Variants in ARHGAP22 observed in about 807,000 individuals in gnomAD.
ARHGAP22 encodes the protein rho GTPase-activating protein 22.
ARHGAP22 carries 48 observed loss-of-function variants against 59.1 expected under a neutral mutation model. The observed-to-expected ratio is 0.81, with a 90% CI of 0.64 to 1.03. ARHGAP22 has a LOEUF of 1.03. Ranked by LOEUF, ARHGAP22 falls within the 50% of genes least tolerant of loss-of-function variation. ARHGAP22 has a pLI of 0.00. For missense variants in ARHGAP22, 1,015 were observed against 958.7 expected, an observed-to-expected ratio of 1.06 and a Z score of -0.78; for synonymous variants, 445 against 416.4, an observed-to-expected ratio of 1.07 and a Z score of -0.84.
rs145830972 is a variant in ARHGAP22, at chr10:48,621,029, A to G, written c.52+31205T>C. On this transcript the variant is annotated intron_variant, in intron 1 of 9. Transcript: ENST00000435790. ...AAGAGCAGGATGTGCAGAGCACTCT[A>G]GCAAGCTTGGTGTGTTACTCGCAAC... Among the ~76,000 whole-genome samples the G allele has an allele frequency of 2.0e-3, 304 of 152,392 alleles. 1 individual carries two copies. Among genetic ancestry groups the G allele is most frequent in the Non-Finnish European group, 3.4e-3 (229 of 68,044 alleles).
intron 3 of ARHGAP22, among the ~76,000 whole-genome samples, chr10:48,525,022 G>C (rs541419456): frequency 6.6e-6 from 1 of 152,172 alleles, no homozygotes; most frequent in Non-Finnish European, 1.5e-5. Flanking sequence ...GCAAGTGTGA[G>C]CTATCATCAT....
At position 48,555,462 on chromosome 10, in the gene ARHGAP22, C is replaced by A; in HGVS notation, c.322+1G>T. On this transcript the variant is annotated splice_donor_variant, in intron 3 of 9. Coordinates refer to ENST00000249601, the MANE Select transcript of ARHGAP22 (RefSeq NM_021226.4). LOFTEE classifies it high-confidence loss of function. ...CAGAGCTGGAAGGTGCTCAGGCCTA[C>A]CTGGGCTGATCTCAAAGAGGTGCTT... The A allele has an allele frequency of 1.2e-6, 2 of 1,613,870 alleles. No individual in the cohort carries two copies. Among genetic ancestry groups the A allele is most frequent in the African/African-American group, 1.3e-5 (1 of 75,042 alleles).
At position 48,649,418 on chromosome 10, in the gene ARHGAP22, G is replaced by A. The variant is rs368677570; in HGVS notation, c.52+2816C>T. On this transcript the variant is annotated intron_variant, in intron 1 of 9. Coordinates refer to the ARHGAP22 transcript ENST00000435790. ...GGCTGCTCCCAGCCTTGGTCCCAGC[G>A]TGCAGGTCAGGGATTTGGGGACTTG... is the stretch of plus-strand genomic sequence containing the variant. Among the ~76,000 whole-genome samples, 94 of 152,314 alleles carry A rather than the reference G, an allele frequency of 6.2e-4. 1 individual carries two copies. Among genetic ancestry groups the A allele is most frequent in the African/African-American group, 2.0e-3 (83 of 41,548 alleles).
chr10:48,554,603 T>C (rs1590145452), intron 3 of ARHGAP22, among the ~76,000 whole-genome samples: 1 of 150,144 alleles, frequency 6.7e-6, no homozygotes, highest in East Asian at 2.0e-4. Flanking sequence ...CAGAGTTTTG[T>C]CCATGTGAGG....
chr10:48,475,167 GC>G (rs1257890056), intron 4 of ARHGAP22, among the ~76,000 whole-genome samples: 3 of 152,170 alleles, frequency 2.0e-5, no homozygotes, highest in African/African-American at 7.2e-5. Context: ...TGACTGCTCA[GC>G]TTTCATCCTC....
chr10:48,633,836 G>C (rs990453546), intron 1 of ARHGAP22, among the ~76,000 whole-genome samples: 1 of 152,208 alleles, frequency 6.6e-6, no homozygotes, highest in Non-Finnish European at 1.5e-5. Flanking sequence ...GAGGAGGAGG[G>C]AGCAGAGGGC....
chr10:48,451,380 G>A (rs1297926528), intron 8 of ARHGAP22: 3 of 715,106 alleles, frequency 4.2e-6, no homozygotes, highest in Non-Finnish European at 7.6e-6. Flanking sequence ...AAGCAGGGAG[G>A]AAGCACTGTG....
At chr10:48,586,638 C>T (rs1161555931) in intron 1 of ARHGAP22, among the ~76,000 whole-genome samples, 1 of 152,140 alleles carries the variant, frequency 6.6e-6, no homozygotes, top group Admixed American at 6.5e-5. Context: ...TGCCACTTTC[C>T]CCATCACTAC....
At chr10:48,552,003 TC>T (rs1248736789) in intron 3 of ARHGAP22, among the ~76,000 whole-genome samples, 9 of 152,276 alleles carry the variant, frequency 5.9e-5, no homozygotes, top group African/African-American at 2.2e-4. Flanking sequence ...GCCTGCACTT[TC>T]TGGCCCAGAA....
At chr10:48,585,281 A>C (rs1206664615) in intron 1 of ARHGAP22, among the ~76,000 whole-genome samples, 2 of 151,708 alleles carry the variant, frequency 1.3e-5, no homozygotes, top group Non-Finnish European at 2.9e-5. Flanking sequence ...TTCAACCTCC[A>C]CATCCTCACC....
chr10:48,518,706 G>A lies in ARHGAP22; in HGVS notation c.322+36757C>T, dbSNP rs111921890. The stretch of plus-strand genomic sequence containing the variant: ...AGCAAGTAGGGAGCAGTGAGACCCC[G>A]CAGGTGACCTGCACAGGCCACACTG... On this transcript the variant is annotated intron_variant, in intron 3 of 9. Transcript: ENST00000249601. Among the ~76,000 whole-genome samples, 100 of 152,312 alleles carry A rather than the reference G, an allele frequency of 6.6e-4. 1 individual carries two copies. Among genetic ancestry groups the A allele is most frequent in the Admixed American group, 7.8e-4 (12 of 15,304 alleles).
At chr10:48,451,298 C>T in intron 8 of ARHGAP22, 158 bp from the exon 9 acceptor site, 1 of 1,001,118 alleles carries the variant, frequency 1.0e-6, no homozygotes, top group Non-Finnish European at 1.5e-6. Context: ...AGGAAAGGAC[C>T]ACACACCCTC....
At chr10:48,544,118 G>A (rs1270982595) in intron 3 of ARHGAP22, among the ~76,000 whole-genome samples, 19 of 150,862 alleles carry the variant, frequency 1.3e-4, no homozygotes, top group African/African-American at 3.9e-4. Flanking sequence ...ACAAGACTCC[G>A]TCAAAAAAAA....
At chr10:48,438,310 T>C in the ARHGAP22 span, 1 of 152,170 alleles carries the variant, frequency 6.6e-6, no homozygotes, top group East Asian at 1.9e-4. Context: ...TGATCTCTCT[T>C]AGGTTTTTAC....
At chr10:48,476,821 G>A (rs912208020) in intron 4 of ARHGAP22, among the ~76,000 whole-genome samples, 3 of 152,216 alleles carry the variant, frequency 2.0e-5, no homozygotes, top group Non-Finnish European at 2.9e-5. Flanking sequence ...CCTGCTGGGT[G>A]CAGGTCTTGG....
chr10:48,596,229 G>A (rs528980768), intron 1 of ARHGAP22, among the ~76,000 whole-genome samples: 7 of 152,310 alleles, frequency 4.6e-5, no homozygotes, highest in East Asian at 1.9e-4. Flanking sequence ...AGATTCAAGC[G>A]GATCTGGTGT....
chr10:48,488,412 C>T (rs1384264541), intron 3 of ARHGAP22, among the ~76,000 whole-genome samples: 1 of 152,040 alleles, frequency 6.6e-6, no homozygotes, highest in Admixed American at 6.5e-5. Context: ...CTTTGCATTC[C>T]TGTTATTTCT....
intron 1 of ARHGAP22, among the ~76,000 whole-genome samples, chr10:48,600,472 T>C (rs1468086612): frequency 6.6e-6 from 1 of 152,056 alleles, no homozygotes; most frequent in Non-Finnish European, 1.5e-5. Flanking sequence ...GATTTGTGCA[T>C]TTTACTCTGT....
At chr10:48,539,513 G>C (rs1423587378) in intron 3 of ARHGAP22, among the ~76,000 whole-genome samples, 3 of 151,344 alleles carry the variant, frequency 2.0e-5, no homozygotes. Context: ...GGATGGTCTC[G>C]ATCTCCTGAC....
Sources: gnomAD v4.1 joint callset for allele counts (sites outside exome capture counted in the v4.1 genomes callset) on GRCh38, gnomAD v4.1.1 for gene constraint, MANE v1.5 for transcripts, NCBI Gene and HGNC (gene_info 2026-07-23, HGNC 2026-07-21) for gene names.